ZNF248: variants seen among roughly 807,000 people sequenced by gnomAD.
The protein encoded by ZNF248 is KRAB protein domain.
In ZNF248, 20 loss-of-function variants were observed where a neutral mutation model predicts 44.3. The observed-to-expected ratio is 0.45, with a 90% CI of 0.32 to 0.66. ZNF248 has a LOEUF of 0.66. Ranked by LOEUF, ZNF248 falls within the 30% of genes least tolerant of loss-of-function variation. The pLI, the probability that ZNF248 is intolerant of heterozygous loss-of-function variation, is 0.04. For missense variants in ZNF248, 654 were observed against 677.0 expected (o/e 0.97, Z 0.38); for synonymous variants, 224 against 229.0 (o/e 0.98, Z 0.20).
the ZNF248 span, among the ~76,000 whole-genome samples, chr10:37,768,038 C>T: frequency 0.06 from 9,136 of 152,210 alleles, 354 homozygotes; most frequent in Middle Eastern, 0.096. Flanking sequence ...AAGGCCATTA[C>T]GTAATAGTAA....
At chr10:37,774,128 T>G (rs1262219989), downstream of ZNF248, among the ~76,000 whole-genome samples, 1 of 152,056 alleles carries the variant, frequency 6.6e-6, no homozygotes, top group East Asian at 1.9e-4. Flanking sequence ...TTTCCCTCCT[T>G]CTCTCCTGAC....
chr10:37,837,829 G>A (rs2057527700), intron 4 of ZNF248, 117 bp from the exon 5 acceptor site: 1 of 1,355,276 alleles, frequency 7.4e-7, no homozygotes, highest in Non-Finnish European at 1.0e-6. Flanking sequence ...GTGCACAAAT[G>A]AACCAATCTC....
At chr10:37,834,283 C>T (rs1255979083) in intron 5 of ZNF248, among the ~76,000 whole-genome samples, 1 of 152,142 alleles carries the variant, frequency 6.6e-6, no homozygotes, top group Non-Finnish European at 1.5e-5. Flanking sequence ...AAATCCCTTG[C>T]TCAATGCTAT....
intron 6 of ZNF248, chr10:37,820,453 T>TA (rs1212367939): frequency 1.3e-5 from 21 of 1,588,256 alleles, no homozygotes; most frequent in Non-Finnish European, 1.6e-5. Flanking sequence ...TGCTGCCATC[T>TA]AAACCACAGA....
intron 6 of ZNF248, chr10:37,818,811 G>C: frequency 1.2e-6 from 1 of 860,832 alleles, no homozygotes; most frequent in Non-Finnish European, 1.9e-6. Context: ...ATTTTGGTGG[G>C]AACTGCACTT....
the ZNF248 span, among the ~76,000 whole-genome samples, chr10:37,760,016 A>C: frequency 1.3e-5 from 2 of 152,150 alleles, no homozygotes; most frequent in Non-Finnish European, 2.9e-5. Flanking sequence ...TGTCCAGAAG[A>C]GGGAAAAGCA....
At chr10:37,798,250 T>C (rs1186481034) in intron 6 of ZNF248, among the ~76,000 whole-genome samples, 2 of 152,116 alleles carry the variant, frequency 1.3e-5, no homozygotes, top group Admixed American at 1.3e-4. Context: ...ATATGAAATA[T>C]ACAGAATAGG....
At chr10:37,764,932 T>TATTAAAACACCTAAGACAC in the ZNF248 span, among the ~76,000 whole-genome samples, 1 of 152,234 alleles carries the variant, frequency 6.6e-6, no homozygotes, top group East Asian at 1.9e-4. Flanking sequence ...TTTATGTGGA[T>TATTAAAACACCTAAGACAC]ATTAAAACAC....
intron 3 of ZNF248, among the ~76,000 whole-genome samples, chr10:37,854,689 C>A (rs1409332413): frequency 6.6e-6 from 1 of 152,166 alleles, no homozygotes; most frequent in African/African-American, 2.4e-5. Flanking sequence ...TCTGGGAATT[C>A]ATCTAATATA....
intron 6 of ZNF248, among the ~76,000 whole-genome samples, chr10:37,797,046 C>T (rs1025603278): frequency 8.5e-5 from 13 of 152,092 alleles, no homozygotes; most frequent in African/African-American, 2.7e-4. Context: ...TTAATCCTCA[C>T]AACCCTTTGA....
intron 3 of ZNF248, among the ~76,000 whole-genome samples, chr10:37,838,779 G>A (rs898019663): frequency 2.0e-5 from 3 of 151,700 alleles, no homozygotes; most frequent in Non-Finnish European, 4.4e-5. Flanking sequence ...ACAGGTGACC[G>A]TGATAGTAGA....
chr10:37,804,096 T>C (rs919099450), intron 6 of ZNF248, among the ~76,000 whole-genome samples: 1 of 46,162 alleles, frequency 2.2e-5, no homozygotes, highest in Non-Finnish European at 4.1e-5. Flanking sequence ...TTCCTTTTTC[T>C]TTTTCTTTTT....
chr10:37,779,541 A>C (rs1191269417), intron 6 of ZNF248, among the ~76,000 whole-genome samples: 1 of 151,834 alleles, frequency 6.6e-6, no homozygotes, highest in Non-Finnish European at 1.5e-5. Flanking sequence ...ATCTATGACA[A>C]ACCCACAGCC....
rs1303598907 is a variant in ZNF248, at chr10:37,829,256, T to C, written c.*2359A>G. The stretch of plus-strand genomic sequence containing the variant: ...GCTCTGGTAACACTGTTTCCCTCCT[T>C]GCCCTTCAAGGCTCAGAATGGCAAT... On this transcript the variant is annotated 3_prime_UTR_variant, in exon 6 of 6. Coordinates refer to ENST00000395867, the MANE Select transcript of ZNF248 (RefSeq NM_021045.3). 1 of 985,480 alleles carries C rather than the reference T, an allele frequency of 1.0e-6. No homozygotes were observed. Among genetic ancestry groups the C allele is most frequent in the South Asian group, 4.7e-5 (1 of 21,284 alleles). 61.0% of individuals were successfully genotyped at this position (985,480 alleles called of 1,614,324 possible).
In ZNF248 at chr10:37,832,364, C is replaced by T. The variant is rs993712920; in HGVS notation, c.991G>A (p.Asp331Asn). The part of the protein sequence containing the change: ...RKILREYKVS[D>N]KTWEKSALLK... ...AGAGCTGACTTTTCCCAGGTTTTGT[C>T]ACTCACTTTATATTCACGGAGAATC... The change falls in exon 6 of 6, where the codon GAC becomes AAC. Residue 331 changes from aspartate (D) to asparagine (N), a missense_variant. Asp to Asn is a conservative substitution (Grantham distance 23, BLOSUM62 1). Coordinates refer to ENST00000395867, the MANE Select transcript of ZNF248 (RefSeq NM_021045.3). 2 of 1,613,914 alleles carry T rather than the reference C, an allele frequency of 1.2e-6. No individual in the cohort carries two copies. Among genetic ancestry groups the T allele is most frequent in the African/African-American group, 2.7e-5 (2 of 74,912 alleles).
chr10:37,792,439 G>A (rs1301949488), intron 6 of ZNF248, among the ~76,000 whole-genome samples: 1 of 152,162 alleles, frequency 6.6e-6, no homozygotes, highest in Non-Finnish European at 1.5e-5. Flanking sequence ...AATAATATAT[G>A]TATTTATCCC....
chr10:37,773,269 T>A (rs1010881101), downstream of ZNF248, among the ~76,000 whole-genome samples: 3 of 151,984 alleles, frequency 2.0e-5, no homozygotes, highest in African/African-American at 7.2e-5. Context: ...ATAATAATAA[T>A]CTGTATCAAG....
At chr10:37,796,297 C>G (rs1052467603) in intron 6 of ZNF248, among the ~76,000 whole-genome samples, 2 of 151,218 alleles carry the variant, frequency 1.3e-5, no homozygotes, top group African/African-American at 4.9e-5. Flanking sequence ...CTCATTGCAA[C>G]CTCTGACTCC....
chr10:37,764,599 T>G, the ZNF248 span, among the ~76,000 whole-genome samples: 1 of 152,298 alleles, frequency 6.6e-6, no homozygotes, highest in African/African-American at 2.4e-5. Context: ...ACATGTGATG[T>G]CTCCCCTGGA....
Sources: gnomAD v4.1 joint callset for allele counts (sites outside exome capture counted in the v4.1 genomes callset) on GRCh38, gnomAD v4.1.1 for gene constraint, MANE v1.5 for transcripts, NCBI Gene and HGNC (gene_info 2026-07-23, HGNC 2026-07-21) for gene names.